RARB: variants seen among roughly 807,000 people sequenced by gnomAD.
RARB encodes the protein retinoic acid receptor beta.
In RARB, 17 loss-of-function variants were observed where a neutral mutation model predicts 51.9. The ratio of observed to expected loss-of-function variants is 0.33; its 90% CI spans 0.22 to 0.49. The LOEUF (loss-of-function observed/expected upper bound fraction) is 0.49. Ranked by LOEUF, RARB falls within the 20% of genes least tolerant of loss-of-function variation. The pLI is 0.99. For synonymous variants in RARB, 215 were observed against 195.4 expected (o/e 1.10, Z -0.84); for missense variants, 369 against 550.8 (o/e 0.67, Z 3.30).
In RARB at chr3:25,574,371, C is replaced by A. The variant is rs543712658; in HGVS notation, c.609+4453C>A. Among the ~76,000 whole-genome samples the A allele has an allele frequency of 4.6e-5, 7 of 152,324 alleles. 1 individual carries two copies. The South Asian group carries it at 1.5e-3, about 32-fold the overall frequency. On this transcript the variant is annotated intron_variant, in intron 4 of 7. Coordinates refer to ENST00000330688, the MANE Select transcript of RARB (RefSeq NM_000965.5). ...GGTTCCATGAGAAAAATATATGGAG[C>A]GCCTTGCACAGTTTCCGGCACAGAG...
intron 2 of RARB, among the ~76,000 whole-genome samples, chr3:24,918,632 C>T (rs1695154552): frequency 6.6e-6 from 1 of 152,166 alleles, no homozygotes; most frequent in African/African-American, 2.4e-5. Flanking sequence ...CCTGTAATCC[C>T]AGCACTTTGG....
chr3:24,989,160 C>T (rs1696859231), intron 2 of RARB, among the ~76,000 whole-genome samples: 4 of 152,288 alleles, frequency 2.6e-5, no homozygotes, highest in South Asian at 2.1e-4. Flanking sequence ...TTCTGCAGTG[C>T]TTTTCCTTGT....
At position 25,420,608 on chromosome 3, in the gene RARB, T is replaced by C. The variant is rs144968107; in HGVS notation, c.179-40585T>C. Among the ~76,000 whole-genome samples the C allele has an allele frequency of 2.0e-5, 3 of 152,334 alleles. No homozygotes were observed. In the East Asian group the frequency reaches 5.8e-4, roughly 29 times the overall value. On this transcript the variant is annotated intron_variant, in intron 5 of 11. Transcript: ENST00000383772. Reference sequence around the variant, plus strand: ...AAAGATACATGCATGATCTGAGAAGTTTTACTTTTGTCCCTCTCACTGCCT... The same window carrying C: ...AAAGATACATGCATGATCTGAGAAGCTTTACTTTTGTCCCTCTCACTGCCT...
chr3:25,037,259 C>T (rs896968301), intron 2 of RARB, among the ~76,000 whole-genome samples: 3 of 143,954 alleles, frequency 2.1e-5, no homozygotes, highest in African/African-American at 5.1e-5. Context: ...ATTTCACCAG[C>T]TTTTTTTTTT....
At chr3:25,138,323 C>T (rs1211457545) in intron 4 of RARB, among the ~76,000 whole-genome samples, 1 of 150,576 alleles carries the variant, frequency 6.6e-6, no homozygotes, top group Non-Finnish European at 1.5e-5. Context: ...TTGAAAGCAG[C>T]ACTATAATTG....
In RARB at chr3:25,495,655, G is replaced by A. The variant is rs1339431101; in HGVS notation, c.307-5527G>A. ...CAGTTCTTTGGTAACAGCAGTCAAA[G>A]AGCATGAGGTAGGAAGATTGAAAAA... On this transcript the variant is annotated intron_variant, in intron 2 of 7. Coordinates refer to ENST00000330688, the MANE Select transcript of RARB (RefSeq NM_000965.5). Among the ~76,000 whole-genome samples, 4 of 152,166 alleles carry A rather than the reference G, an allele frequency of 2.6e-5. No individual in the cohort carries two copies. The East Asian group carries it at 7.7e-4, about 29-fold the overall frequency.
rs879888338 is a variant in RARB, at chr3:25,022,089, A to G, written c.-379-38036A>G. On this transcript the variant is annotated intron_variant, in intron 2 of 11. Transcript: ENST00000383772. ...AGAGAGATAAGTGCAACAAAGAACA[A>G]GTTTTTATTACTGCCAGAAACTGGA... Among the ~76,000 whole-genome samples, 89 of 152,164 alleles carry G rather than the reference A, an allele frequency of 5.8e-4. 1 individual carries two copies. The highest frequency in any genetic ancestry group is 5.6e-3 in the Admixed American group (85 of 15,272).
At chr3:24,939,039 T>C (rs536354920) in intron 2 of RARB, among the ~76,000 whole-genome samples, 4 of 152,036 alleles carry the variant, frequency 2.6e-5, no homozygotes, top group African/African-American at 7.2e-5. Context: ...CTAGAGTGCA[T>C]TGACGTGGTC....
chr3:25,188,455 ATTTCCAAGAAATTAACCCTTCAGAGG>A (rs1308180247), intron 5 of RARB, among the ~76,000 whole-genome samples: 2 of 152,140 alleles, frequency 1.3e-5, no homozygotes, highest in Non-Finnish European at 2.9e-5. Flanking sequence ...GCCTGATTCT[ATTTCCAAGAAATTAACCCTTCAGAGG>A]TTTATTAGCA....
intron 3 of RARB, among the ~76,000 whole-genome samples, chr3:25,099,905 T>G (rs1402878975): frequency 6.6e-6 from 1 of 152,194 alleles, no homozygotes; most frequent in African/African-American, 2.4e-5. Flanking sequence ...TTAGTGACTG[T>G]TCGTAAATGC....
At chr3:25,431,864 A>C (rs1393338195) in intron 1 of RARB, among the ~76,000 whole-genome samples, 2 of 152,184 alleles carry the variant, frequency 1.3e-5, no homozygotes, top group African/African-American at 4.8e-5. Context: ...CTGGGACCCA[A>C]ATTTTAAGTA....
intron 2 of RARB, among the ~76,000 whole-genome samples, chr3:25,038,458 C>T (rs953662176): frequency 2.6e-5 from 4 of 152,132 alleles, no homozygotes; most frequent in African/African-American, 9.7e-5. Flanking sequence ...AAATCTGACT[C>T]ATAAACTTGG....
intron 5 of RARB, among the ~76,000 whole-genome samples, chr3:25,202,583 T>C (rs142447825): frequency 0.018 from 2,776 of 152,310 alleles, 87 homozygotes; most frequent in African/African-American, 0.062. Context: ...GTGCTATAAA[T>C]TTCCCTCTAC....
intron 1 of RARB, among the ~76,000 whole-genome samples, chr3:25,452,075 T>G (rs1709218439): frequency 6.6e-6 from 1 of 152,228 alleles, no homozygotes. Context: ...GTTCACTTAA[T>G]GCAGTTTCAT....
At chr3:25,173,201 A>G (rs1459572339) in intron 4 of RARB, among the ~76,000 whole-genome samples, 1 of 152,194 alleles carries the variant, frequency 6.6e-6, no homozygotes, top group Non-Finnish European at 1.5e-5. Flanking sequence ...AAGGAATCCT[A>G]GGTGTTGAGC....
At chr3:24,861,158 C>T (rs921606469) in intron 2 of RARB, among the ~76,000 whole-genome samples, 4 of 152,160 alleles carry the variant, frequency 2.6e-5, no homozygotes, top group Non-Finnish European at 5.9e-5. Context: ...TGTATATAGG[C>T]TTTTCCGGTC....
rs192177000 is a variant in RARB at position 24,875,773 on chromosome 3, C to G, written c.-380+17021C>G. On this transcript the variant is annotated intron_variant, in intron 2 of 11. Coordinates refer to the RARB transcript ENST00000383772. ...TAATACTATTAACTAAATTACAGAC[C>G]TTATTCAAATTTTACCAGTTTTTTC... is the stretch of plus-strand genomic sequence containing the variant. Among the ~76,000 whole-genome samples the G allele has an allele frequency of 2.5e-3, 381 of 152,024 alleles. 3 individuals are homozygous for G. Among genetic ancestry groups the G allele is most frequent in the Non-Finnish European group, 1.7e-3 (118 of 67,912 alleles).
chr3:25,056,921 T>C (rs2125302215), intron 2 of RARB, among the ~76,000 whole-genome samples: 1 of 152,224 alleles, frequency 6.6e-6, no homozygotes, highest in East Asian at 1.9e-4. Flanking sequence ...ATTGATTGAC[T>C]GTAGCACTAA....
At chr3:25,445,979 C>T (rs1026256564) in intron 1 of RARB, among the ~76,000 whole-genome samples, 3 of 152,154 alleles carry the variant, frequency 2.0e-5, no homozygotes, top group Admixed American at 2.0e-4. Flanking sequence ...ATTAAAACTC[C>T]CATATTCTCC....
Sources: allele counts gnomAD v4.1 joint callset (sites outside exome capture counted in the v4.1 genomes callset), GRCh38; gene constraint gnomAD v4.1.1; transcripts MANE v1.5; gene names NCBI Gene and HGNC (gene_info 2026-07-23, HGNC 2026-07-21).